The following ZNF644 variants were observed in gnomAD, a reference collection of about 807,000 sequenced individuals.
ZNF644 encodes zinc finger motif enhancer binding protein 2.
In ZNF644, 20 loss-of-function variants were observed where a neutral mutation model predicts 108.0. The observed-to-expected ratio is 0.19, with a 90% CI of 0.13 to 0.27. The LOEUF (loss-of-function observed/expected upper bound fraction) is 0.27, where lower values mean the gene tolerates loss of function less well. Ranked by LOEUF, ZNF644 falls within the 10% of genes least tolerant of loss-of-function variation. The pLI is 1.00. For missense variants in ZNF644, 1,338 were observed against 1,548.9 expected (o/e 0.86, Z 2.29); for synonymous variants, 542 against 539.1 (o/e 1.01, Z -0.08).
In ZNF644 at chr1:90,978,936, C is replaced by A. The variant is rs77345583; in HGVS notation, c.44+3374G>T. On this transcript the variant is annotated intron_variant, in intron 2 of 5. Coordinates refer to ENST00000337393, the MANE Select transcript of ZNF644 (RefSeq NM_201269.3). Reference sequence around the variant, plus strand: ...AAGGAACAGCATGAGAAAATGTCAACGTCTAACTCTGTGTTCAAACATTAT... The same window carrying A: ...AAGGAACAGCATGAGAAAATGTCAAAGTCTAACTCTGTGTTCAAACATTAT... Among the ~76,000 whole-genome samples, 61 of 151,888 alleles carry A rather than the reference C, an allele frequency of 4.0e-4. 1 individual carries two copies. In the East Asian group the frequency reaches 0.011, roughly 26 times the overall value.
At chr1:90,933,922 C>T (rs2100896787) in intron 4 of ZNF644, among the ~76,000 whole-genome samples, 1 of 152,192 alleles carries the variant, frequency 6.6e-6, no homozygotes, top group Middle Eastern at 3.4e-3. Flanking sequence ...TAAGAGAATT[C>T]CAGTACCTAC....
chr1:91,008,272 T>G (rs559512086), intron 1 of ZNF644, among the ~76,000 whole-genome samples: 1 of 152,288 alleles, frequency 6.6e-6, no homozygotes, highest in East Asian at 1.9e-4. Flanking sequence ...CCTGAAACCA[T>G]GAGTGTTGCT....
chr1:90,997,451 T>C (rs1658259590), intron 1 of ZNF644, among the ~76,000 whole-genome samples: 1 of 151,218 alleles, frequency 6.6e-6, no homozygotes. Context: ...AAAAAAAAAA[T>C]CACTAAAATA....
At chr1:91,007,141 G>C (rs981103713) in intron 1 of ZNF644, among the ~76,000 whole-genome samples, 1 of 139,530 alleles carries the variant, frequency 7.2e-6, no homozygotes, top group African/African-American at 2.7e-5. Context: ...CAGTCACCAT[G>C]TTGAGCATTC....
chr1:91,021,316 C>T, intron 1 of ZNF644: 1 of 152,650 alleles, frequency 6.6e-6, no homozygotes, highest in Non-Finnish European at 1.5e-5. Flanking sequence ...TAAGATCTTG[C>T]AGGACGGGGG....
chr1:90,962,314 C>A (rs1447267340), intron 2 of ZNF644, among the ~76,000 whole-genome samples: 1 of 151,660 alleles, frequency 6.6e-6, no homozygotes, highest in Admixed American at 6.6e-5. Flanking sequence ...CAAAAGTAGA[C>A]CAATGGGGGA....
chr1:91,021,131 G>T (rs988614376), intron 1 of ZNF644: 1 of 152,248 alleles, frequency 6.6e-6, no homozygotes, highest in Admixed American at 6.5e-5. Context: ...AGGTTCACGG[G>T]AGAAGTGGAG....
At chr1:90,918,915 T>C (rs1483563045) in intron 4 of ZNF644, among the ~76,000 whole-genome samples, 2 of 152,140 alleles carry the variant, frequency 1.3e-5, no homozygotes, top group Non-Finnish European at 2.9e-5. Flanking sequence ...ATGCTAACTA[T>C]TCTTTACATA....
At chr1:90,996,502 G>A (rs1658159300) in intron 1 of ZNF644, among the ~76,000 whole-genome samples, 1 of 152,154 alleles carries the variant, frequency 6.6e-6, no homozygotes, top group Non-Finnish European at 1.5e-5. Flanking sequence ...GCAGCCTGGG[G>A]GATCAGGCCC....
At chr1:90,927,299 C>T (rs1650153830) in intron 4 of ZNF644, among the ~76,000 whole-genome samples, 1 of 152,166 alleles carries the variant, frequency 6.6e-6, no homozygotes, top group Non-Finnish European at 1.5e-5. Context: ...CAATGTATCT[C>T]TGCATACTTA....
chr1:90,949,188 CTT>C (rs1003114670), intron 2 of ZNF644, among the ~76,000 whole-genome samples: 13 of 151,264 alleles, frequency 8.6e-5, no homozygotes, highest in South Asian at 2.1e-4. Context: ...TAAATTCAAA[CTT>C]ATATATTGAA....
At chr1:91,019,095 A>G (rs1181709572) in intron 1 of ZNF644, among the ~76,000 whole-genome samples, 1 of 152,238 alleles carries the variant, frequency 6.6e-6, no homozygotes, top group Non-Finnish European at 1.5e-5. Context: ...AAAACAATTT[A>G]ACTTTTTGCT....
At chr1:90,989,225 C>G (rs1419302417) in intron 1 of ZNF644, among the ~76,000 whole-genome samples, 1 of 152,056 alleles carries the variant, frequency 6.6e-6, no homozygotes, top group Non-Finnish European at 1.5e-5. Context: ...ATGGACAATC[C>G]TCCAAAGACA....
At chr1:90,919,379 GAAAC>G (rs1649167555) in intron 4 of ZNF644, among the ~76,000 whole-genome samples, 1 of 152,094 alleles carries the variant, frequency 6.6e-6, no homozygotes, top group Non-Finnish European at 1.5e-5. Context: ...ATGACTCTGT[GAAAC>G]GAATTGTTCA....
At chr1:91,004,222 A>G (rs1007768683) in intron 1 of ZNF644, among the ~76,000 whole-genome samples, 1 of 98,804 alleles carries the variant, frequency 1.0e-5, no homozygotes, top group African/African-American at 4.0e-5. Context: ...AGCTCAAGGA[A>G]CTACACAGAG....
intron 2 of ZNF644, among the ~76,000 whole-genome samples, chr1:90,970,362 G>C (rs1655329339): frequency 6.6e-6 from 1 of 152,118 alleles, no homozygotes; most frequent in Non-Finnish European, 1.5e-5. Context: ...TAAGAACCTA[G>C]CTGTGCTTCA....
chr1:90,953,293 C>T (rs1344534107), intron 2 of ZNF644, among the ~76,000 whole-genome samples: 1 of 121,520 alleles, frequency 8.2e-6, no homozygotes, highest in South Asian at 2.7e-4. Flanking sequence ...ATAAAATGAG[C>T]CACCATTTTT....
chr1:91,007,250 T>C (rs1286317630), intron 1 of ZNF644, among the ~76,000 whole-genome samples: 2 of 143,154 alleles, frequency 1.4e-5, no homozygotes, highest in Non-Finnish European at 3.0e-5. Flanking sequence ...TTTTTTTTTT[T>C]TTTGAGACAG....
At chr1:90,985,027 CCA>C (rs1656954126) in intron 1 of ZNF644, among the ~76,000 whole-genome samples, 1 of 152,118 alleles carries the variant, frequency 6.6e-6, no homozygotes, top group Admixed American at 6.6e-5. Flanking sequence ...TATACAAACA[CCA>C]CACACATACA....
Sources: gnomAD v4.1 joint callset for allele counts (sites outside exome capture counted in the v4.1 genomes callset) on GRCh38, gnomAD v4.1.1 for gene constraint, MANE v1.5 for transcripts, NCBI Gene and HGNC (gene_info 2026-07-23, HGNC 2026-07-21) for gene names.